Variants in GRK4 observed in about 807,000 individuals in gnomAD.
The protein encoded by GRK4 is G protein-coupled receptor kinase 2-like.
In GRK4, 73 loss-of-function variants were observed where a neutral mutation model predicts 77.9. That is an observed-to-expected ratio of 0.94 (90% confidence interval 0.78 to 1.14). The LOEUF is 1.14. GRK4 is among the 50% of genes most tolerant of loss of function. GRK4 has a pLI of 0.00. For missense variants in GRK4, 729 were observed against 700.2 expected (o/e 1.04, Z -0.46); for synonymous variants, 257 against 254.4 (o/e 1.01, Z -0.10).
intron 5 of GRK4, among the ~76,000 whole-genome samples, chr4:3,006,054 A>G (rs2109842446): frequency 6.6e-6 from 1 of 152,080 alleles, no homozygotes; most frequent in African/African-American, 2.4e-5. Context: ...CTGAAAATGG[A>G]TTAGAGTAAA....
chr4:2,976,760 C>T (rs1482328505), intron 1 of GRK4, among the ~76,000 whole-genome samples: 1 of 151,990 alleles, frequency 6.6e-6, no homozygotes, highest in Non-Finnish European at 1.5e-5. Context: ...CCGCCTCAGC[C>T]TCCCAAGTAG....
chr4:3,022,412 A>G lies in GRK4; in HGVS notation c.933-2A>G, dbSNP rs369398468. 53 of 1,613,740 alleles carry G rather than the reference A, an allele frequency of 3.3e-5. No homozygotes were observed. The African/African-American group carries it at 3.7e-4, about 11-fold the overall frequency. On this transcript the variant is annotated splice_acceptor_variant, in intron 9 of 15. Transcript: ENST00000398052. LOFTEE classifies it high-confidence loss of function. ...TGGGCCTTTTGTTGTTGTTTCTTGT[A>G]GAGACTTGAAGCCTGAGAATATTCT...
At chr4:2,975,879 A>G (rs964733223) in intron 1 of GRK4, among the ~76,000 whole-genome samples, 2 of 152,204 alleles carry the variant, frequency 1.3e-5, no homozygotes, top group Non-Finnish European at 2.9e-5. Context: ...AGGCCCCAAA[A>G]ATCAAACCAA....
intron 2 of GRK4, among the ~76,000 whole-genome samples, chr4:2,987,575 G>A (rs1473862269): frequency 6.6e-6 from 1 of 152,198 alleles, no homozygotes; most frequent in Admixed American, 6.5e-5. Flanking sequence ...TGTGAATAGT[G>A]TTGCTGGGAA....
intron 8 of GRK4, among the ~76,000 whole-genome samples, chr4:3,019,024 GGTGTGTGTGTATGT>G (rs1304494266): frequency 2.3e-4 from 35 of 151,934 alleles, no homozygotes; most frequent in Non-Finnish European, 7.4e-5. Flanking sequence ...ATCCCAGCAG[GGTGTGTGTGTATGT>G]GTGTGTGTGT....
chr4:3,026,625 G>A (rs1737649753), intron 10 of GRK4, among the ~76,000 whole-genome samples: 1 of 152,196 alleles, frequency 6.6e-6, no homozygotes, highest in Non-Finnish European at 1.5e-5. Flanking sequence ...TGTACAAGGG[G>A]AGGAAACTGA....
intron 12 of GRK4, among the ~76,000 whole-genome samples, chr4:3,035,114 G>A (rs950943047): frequency 1.3e-5 from 2 of 151,994 alleles, no homozygotes; most frequent in Non-Finnish European, 2.9e-5. Context: ...GCACGGTGGC[G>A]GGTGCCCATA....
chr4:2,973,020 C>G (rs921301206), intron 1 of GRK4, among the ~76,000 whole-genome samples: 1 of 152,172 alleles, frequency 6.6e-6, no homozygotes, highest in Non-Finnish European at 1.5e-5. Context: ...CAAGTGTGAG[C>G]CACTGCACCT....
intron 1 of GRK4, among the ~76,000 whole-genome samples, chr4:2,974,508 C>G (rs1339457019): frequency 6.6e-6 from 1 of 152,136 alleles, no homozygotes; most frequent in African/African-American, 2.4e-5. Context: ...TTATTGTGTG[C>G]CAGGCACTAA....
intron 1 of GRK4, among the ~76,000 whole-genome samples, chr4:2,978,107 A>C (rs1045369969): frequency 2.0e-5 from 3 of 152,238 alleles, no homozygotes; most frequent in African/African-American, 7.2e-5. Flanking sequence ...AGAATAAACT[A>C]GGTTTTATAG....
chr4:3,004,145 A>AT (rs887816746), intron 4 of GRK4, 86 bp from the exon 5 acceptor site: 18 of 1,000,064 alleles, frequency 1.8e-5, no homozygotes, highest in Non-Finnish European at 2.6e-5. Flanking sequence ...TTTGTGTTTC[A>AT]TTTTTTTACA....
chr4:2,994,200 A>AT (rs1382401375), intron 4 of GRK4, among the ~76,000 whole-genome samples: 4 of 152,216 alleles, frequency 2.6e-5, no homozygotes, highest in African/African-American at 7.2e-5. Flanking sequence ...TCTAGTTCTA[A>AT]TTTTTATTTT....
chr4:2,982,646 G>T (rs1224537882), intron 1 of GRK4, among the ~76,000 whole-genome samples: 1 of 152,198 alleles, frequency 6.6e-6, no homozygotes, highest in Non-Finnish European at 1.5e-5. Flanking sequence ...CCTTTAAGAG[G>T]TCAGATAAAA....
chr4:2,967,610 G>A (rs971080858), intron 1 of GRK4, among the ~76,000 whole-genome samples: 1 of 152,102 alleles, frequency 6.6e-6, no homozygotes, highest in Admixed American at 6.6e-5. Context: ...TGTTGGCCAG[G>A]CTAGTCTTGA....
At chr4:2,984,017 C>T (rs888996470) in intron 1 of GRK4, among the ~76,000 whole-genome samples, 15 of 152,234 alleles carry the variant, frequency 9.9e-5, no homozygotes, top group South Asian at 4.1e-4. Context: ...GATCCAATCA[C>T]GGGACTCCCA....
At chr4:2,982,606 A>G (rs1318873889) in intron 1 of GRK4, among the ~76,000 whole-genome samples, 1 of 152,246 alleles carries the variant, frequency 6.6e-6, no homozygotes, top group Non-Finnish European at 1.5e-5. Flanking sequence ...AAAATACTGC[A>G]TCAGGCAAGT....
intron 14 of GRK4, 23 bp from the exon 15 acceptor site, chr4:3,038,353 G>A (rs758232482): frequency 1.2e-6 from 2 of 1,613,806 alleles, no homozygotes; most frequent in East Asian, 2.2e-5. Context: ...CGGCTTCTCT[G>A]TCCTGTTATT....
intron 9 of GRK4, among the ~76,000 whole-genome samples, chr4:3,020,862 T>C (rs1735888764): frequency 6.6e-6 from 1 of 152,238 alleles, no homozygotes; most frequent in Admixed American, 6.5e-5. Context: ...ATGTAGACTT[T>C]GTTCTTGTCA....
chr4:2,984,415 A>C, intron 1 of GRK4, 98 bp from the exon 2 acceptor site: 1 of 638,374 alleles, frequency 1.6e-6, no homozygotes, highest in Non-Finnish European at 2.9e-6. Context: ...TACCCAAACC[A>C]CTCAAACAGA....
Sources: gnomAD v4.1 joint callset for allele counts (sites outside exome capture counted in the v4.1 genomes callset) on GRCh38, gnomAD v4.1.1 for gene constraint, MANE v1.5 for transcripts, NCBI Gene and HGNC (gene_info 2026-07-23, HGNC 2026-07-21) for gene names.